PIK3R1: variants seen among roughly 807,000 people sequenced by gnomAD.
PIK3R1 encodes the protein phosphatidylinositol 3-kinase regulatory subunit alpha.
PIK3R1 carries 29 observed loss-of-function variants against 98.0 expected under a neutral mutation model. The ratio of observed to expected loss-of-function variants is 0.30; its 90% CI spans 0.22 to 0.40. The LOEUF (loss-of-function observed/expected upper bound fraction) is 0.40, where lower values mean the gene tolerates loss of function less well. Ranked by LOEUF, PIK3R1 falls within the 10% of genes least tolerant of loss-of-function variation. The pLI, the probability that PIK3R1 is intolerant of heterozygous loss-of-function variation, is 1.00. For synonymous variants in PIK3R1, 282 were observed against 311.8 expected (o/e 0.90, Z 1.01); for missense variants, 596 against 872.7 (o/e 0.68, Z 3.99).
chr5:68,256,803 C>G (rs967252719), intron 2 of PIK3R1, among the ~76,000 whole-genome samples: 1 of 152,088 alleles, frequency 6.6e-6, no homozygotes, highest in Non-Finnish European at 1.5e-5. Flanking sequence ...AACAAGTGCT[C>G]AAGACAAGCC....
intron 15 of PIK3R1, among the ~76,000 whole-genome samples, 180 bp downstream of exon 15, chr5:68,296,521 G>A (rs959706374): frequency 6.6e-6 from 1 of 152,200 alleles, no homozygotes; most frequent in Non-Finnish European, 1.5e-5. Flanking sequence ...CTAGCCAGAA[G>A]TGTATGTTAA....
intron 7 of PIK3R1, chr5:68,288,466 C>T: frequency 7.7e-7 from 1 of 1,291,936 alleles, no homozygotes; most frequent in Non-Finnish European, 9.8e-7. Context: ...CGGCAGTGAG[C>T]GGCGGTGGCC....
intron 2 of PIK3R1, among the ~76,000 whole-genome samples, chr5:68,239,026 A>G (rs1339450143): frequency 6.6e-6 from 1 of 152,076 alleles, no homozygotes; most frequent in East Asian, 1.9e-4. Flanking sequence ...TGAGGAGAAA[A>G]GATGGTGACT....
At chr5:68,259,682 C>T (rs979219792) in intron 2 of PIK3R1, among the ~76,000 whole-genome samples, 2 of 152,154 alleles carry the variant, frequency 1.3e-5, no homozygotes, top group Admixed American at 6.6e-5. Context: ...CTCTACTTTC[C>T]AGGTCTTTTT....
chr5:68,292,798 G>GA, intron 8 of PIK3R1: 1 of 1,234,122 alleles, frequency 8.1e-7, no homozygotes, highest in South Asian at 1.9e-5. Context: ...ATGTTTGGTT[G>GA]AAAAAATAAA....
intron 7 of PIK3R1, among the ~76,000 whole-genome samples, chr5:68,289,425 G>A (rs1282111714): frequency 1.3e-5 from 2 of 151,976 alleles, no homozygotes; most frequent in Non-Finnish European, 1.5e-5. Flanking sequence ...TATATTTTAT[G>A]ATCCCAAATT....
At position 68,293,250 on chromosome 5, in the gene PIK3R1, A is replaced by ATAT. The variant is rs1407085496; in HGVS notation, c.1119-51_1119-49dup. The ATAT allele has an allele frequency of 2.5e-6, 4 of 1,595,248 alleles. No individual in the cohort carries two copies. In the African/African-American group the frequency reaches 5.4e-5, roughly 21 times the overall value. On this transcript the variant is annotated intron_variant, in intron 9 of 15. Coordinates refer to ENST00000521381, the MANE Select transcript of PIK3R1 (RefSeq NM_181523.3). ...TAGGGTTTTGGGCTGATATTAAAAC[A>ATAT]TATTTCCTTATTCCAAAATGTTAAT...
At chr5:68,297,005 G>C (rs111970642) in intron 15 of PIK3R1, among the ~76,000 whole-genome samples, 33 of 152,160 alleles carry the variant, frequency 2.2e-4, no homozygotes, top group Non-Finnish European at 4.7e-4. Context: ...CAGAAAGAAG[G>C]AATCCTATGA....
intron 7 of PIK3R1, chr5:68,288,627 A>G (rs1426956874): frequency 3.8e-6 from 6 of 1,580,724 alleles, no homozygotes; most frequent in Non-Finnish European, 5.1e-6. Flanking sequence ...CCTGCCGGGA[A>G]CAGGCTGGGG....
At chr5:68,257,937 C>T (rs1400026072) in intron 2 of PIK3R1, among the ~76,000 whole-genome samples, 1 of 152,184 alleles carries the variant, frequency 6.6e-6, no homozygotes, top group Admixed American at 6.5e-5. Context: ...TTCTGACACC[C>T]AAAACACATT....
chr5:68,253,336 A>C (rs1316721031), intron 2 of PIK3R1, among the ~76,000 whole-genome samples: 2 of 152,208 alleles, frequency 1.3e-5, no homozygotes. Flanking sequence ...CTGGACTTGG[A>C]GAAAGAGCCA....
chr5:68,254,772 A>C (rs560675833), intron 2 of PIK3R1, among the ~76,000 whole-genome samples: 1 of 152,132 alleles, frequency 6.6e-6, no homozygotes, highest in African/African-American at 2.4e-5. Flanking sequence ...TGTTTCTTTT[A>C]GGTCTTAAAA....
rs894897094 is a variant in PIK3R1, at chr5:68,300,733, T to C, written c.*3132T>C. 4 of 233,212 alleles carry C rather than the reference T, an allele frequency of 1.7e-5. No individual in the cohort carries two copies. The highest frequency in any genetic ancestry group is 6.6e-5 in the African/African-American group (3 of 45,364). The allele number at this position is 233,212 out of a possible 1,614,324, so 14.4% of individuals were successfully genotyped here. On this transcript the variant is annotated 3_prime_UTR_variant, in exon 16 of 16. Coordinates refer to ENST00000521381, the MANE Select transcript of PIK3R1 (RefSeq NM_181523.3). Reference sequence around the variant, plus strand: ...ATAAAGTACATAACAAGCGAACGTCTAGTACAATTCTTACTTATGTGTATG... The same window carrying C: ...ATAAAGTACATAACAAGCGAACGTCCAGTACAATTCTTACTTATGTGTATG...
chr5:68,298,121 A>G lies in PIK3R1; in HGVS notation c.*520A>G, dbSNP rs956893569. 4.3e-6 allele frequency: 1 copy of G among 230,956 alleles called. No individual in the cohort carries two copies. Among genetic ancestry groups the G allele is most frequent in the African/African-American group, 2.2e-5 (1 of 45,198 alleles). The allele number at this position is 230,956 out of a possible 1,614,324, so 14.3% of individuals were successfully genotyped here. On this transcript the variant is annotated 3_prime_UTR_variant, in exon 16 of 16. Coordinates refer to ENST00000521381, the MANE Select transcript of PIK3R1 (RefSeq NM_181523.3). ...TATTTCATTTTGTAACAAATGAACG[A>G]TATGTAGCAGAAAGGCACGTCCACT...
intron 2 of PIK3R1, among the ~76,000 whole-genome samples, chr5:68,253,692 C>T (rs1561272764): frequency 6.6e-6 from 1 of 152,048 alleles, no homozygotes. Flanking sequence ...TAAAAACAGC[C>T]GGAACTTCTG....
intron 2 of PIK3R1, among the ~76,000 whole-genome samples, chr5:68,267,590 C>T (rs1746174279): frequency 1.3e-5 from 2 of 152,072 alleles, no homozygotes; most frequent in African/African-American, 4.8e-5. Flanking sequence ...AGATTTATTT[C>T]CACATCTACT....
At chr5:68,244,573 C>T (rs1443657806) in intron 2 of PIK3R1, among the ~76,000 whole-genome samples, 6 of 121,564 alleles carry the variant, frequency 4.9e-5, no homozygotes, top group African/African-American at 1.9e-4. Flanking sequence ...ACCTATTAAA[C>T]TTCTGCTCTG....
At chr5:68,288,515 A>G in intron 7 of PIK3R1, 3 of 1,342,732 alleles carry the variant, frequency 2.2e-6, no homozygotes, top group Non-Finnish European at 2.9e-6. Context: ...CGGAGGGACG[A>G]GCCGAGCCGA....
intron 2 of PIK3R1, among the ~76,000 whole-genome samples, chr5:68,233,680 C>T (rs1358984584): frequency 2.6e-5 from 4 of 152,108 alleles, no homozygotes; most frequent in African/African-American, 9.7e-5. Flanking sequence ...TAAAATATAA[C>T]TTTGAATTAA....
Sources: gnomAD v4.1 joint callset for allele counts (sites outside exome capture counted in the v4.1 genomes callset) on GRCh38, gnomAD v4.1.1 for gene constraint, MANE v1.5 for transcripts, NCBI Gene and HGNC (gene_info 2026-07-23, HGNC 2026-07-21) for gene names.